Variants in BRD10 observed in about 807,000 individuals in gnomAD.
BRD10 encodes uncharacterized bromodomain-containing protein 10.
chr9:5,955,978 C>T, the BRD10 span, among the ~76,000 whole-genome samples: 1 of 152,092 alleles, frequency 6.6e-6, no homozygotes, highest in East Asian at 1.9e-4. Context: ...TTCCTCTATA[C>T]ACTGCCTTTA....
the BRD10 span, among the ~76,000 whole-genome samples, chr9:5,894,060 A>T: frequency 1.3e-5 from 2 of 152,132 alleles, no homozygotes; most frequent in Non-Finnish European, 2.9e-5. This position sits in a 1 kb window ranked among gnomAD's most constrained non-coding sequence, Gnocchi z 4.0. Context: ...CATGCTCTTA[A>T]GTGTTATGCT....
chr9:6,000,506 C>T, the BRD10 span, among the ~76,000 whole-genome samples: 1 of 152,142 alleles, frequency 6.6e-6, no homozygotes, highest in African/African-American at 2.4e-5. Context: ...CTTCCCTGCT[C>T]TAGTGTTCTT....
the BRD10 span, among the ~76,000 whole-genome samples, chr9:5,951,035 TACACACACACACACACAC>T: frequency 1.4e-5 from 2 of 141,664 alleles, no homozygotes; most frequent in South Asian, 2.3e-4. Context: ...GGGCTGACTG[TACACACACACACACACAC>T]ACACACACAC....
At chr9:5,879,754 C>T in the BRD10 span, among the ~76,000 whole-genome samples, 1 of 152,206 alleles carries the variant, frequency 6.6e-6, no homozygotes, top group South Asian at 2.1e-4. Flanking sequence ...CTCACATGGT[C>T]AGCCTCTCTA....
the BRD10 span, among the ~76,000 whole-genome samples, chr9:5,939,670 C>T: frequency 2.0e-5 from 3 of 152,200 alleles, no homozygotes; most frequent in South Asian, 2.1e-4. Flanking sequence ...AAGTTGGCAG[C>T]AGTGGACAGA....
At chr9:5,911,794 C>A in the BRD10 span, among the ~76,000 whole-genome samples, 7,632 of 152,158 alleles carry the variant, frequency 0.05, 221 homozygotes, top group Middle Eastern at 0.075. Flanking sequence ...CTCAGCCTCC[C>A]AAAGTGCTGG....
the BRD10 span, among the ~76,000 whole-genome samples, chr9:5,959,932 C>T: frequency 2.6e-5 from 4 of 152,174 alleles, no homozygotes; most frequent in African/African-American, 9.7e-5. Flanking sequence ...AACTTTTCCA[C>T]AAAAGTTTTC....
the BRD10 span, among the ~76,000 whole-genome samples, chr9:5,987,293 G>A: frequency 6.6e-6 from 1 of 152,016 alleles, no homozygotes; most frequent in Non-Finnish European, 1.5e-5. Context: ...ATTGTTCTCA[G>A]GACAATCTGA....
chr9:5,920,523 T>C, the BRD10 span: 1 of 1,614,006 alleles, frequency 6.2e-7, no homozygotes, highest in Non-Finnish European at 8.5e-7. Flanking sequence ...GAAGCAAAAT[T>C]GGACGTATTA....
the BRD10 span, chr9:5,933,716 C>G: frequency 9.7e-5 from 45 of 464,060 alleles, no homozygotes; most frequent in Admixed American, 9.6e-4. Context: ...AGCTGCATCT[C>G]TATGTATGTG....
the BRD10 span, among the ~76,000 whole-genome samples, chr9:5,934,410 G>A: frequency 2.0e-5 from 3 of 148,750 alleles, no homozygotes. Flanking sequence ...CCAGGCTGGA[G>A]TGCAGAGGTA....
chr9:5,904,907 G>A, the BRD10 span, among the ~76,000 whole-genome samples: 8 of 151,808 alleles, frequency 5.3e-5, no homozygotes, highest in African/African-American at 1.9e-4. Flanking sequence ...CCAAGTAGCT[G>A]GGACTACAGG....
chr9:5,988,586 G>T, the BRD10 span: 1 of 1,495,594 alleles, frequency 6.7e-7, no homozygotes, highest in Non-Finnish European at 9.3e-7. Flanking sequence ...CAAATCTTCT[G>T]GATAAGCAAT....
chr9:5,887,182 C>T, the BRD10 span, among the ~76,000 whole-genome samples: 1 of 152,098 alleles, frequency 6.6e-6, no homozygotes, highest in African/African-American at 2.4e-5. Context: ...TCGCTTGAAC[C>T]CAGGAGGTGG....
At chr9:5,925,999 C>T in the BRD10 span, among the ~76,000 whole-genome samples, 4 of 152,154 alleles carry the variant, frequency 2.6e-5, no homozygotes, top group African/African-American at 7.2e-5. Context: ...CTCACTGCAA[C>T]CTCTGCCTCC....
At chr9:5,939,083 C>T in the BRD10 span, among the ~76,000 whole-genome samples, 39 of 152,068 alleles carry the variant, frequency 2.6e-4, no homozygotes, top group African/African-American at 7.2e-4. Context: ...ATTCCATTAT[C>T]CTTCAATAGA....
the BRD10 span, chr9:5,921,595 C>T: frequency 4.1e-4 from 665 of 1,613,914 alleles, 7 homozygotes; most frequent in East Asian, 0.01. Context: ...GAACTGGAGT[C>T]CCACTGATTA....
At chr9:5,886,657 G>A in the BRD10 span, among the ~76,000 whole-genome samples, 1 of 152,212 alleles carries the variant, frequency 6.6e-6, no homozygotes, top group Admixed American at 6.5e-5. Context: ...ACTTGGAAGT[G>A]TTGAAAATGA....
At chr9:5,950,960 A>T in the BRD10 span, among the ~76,000 whole-genome samples, 1 of 151,894 alleles carries the variant, frequency 6.6e-6, no homozygotes. Flanking sequence ...TTTAGTACGG[A>T]CACATTTAAG....
Sources: gnomAD v4.1 joint callset for allele counts (sites outside exome capture counted in the v4.1 genomes callset) on GRCh38, gnomAD v4.1.1 for gene constraint, Gnocchi (gnomAD v3.1) non-coding constraint, MANE v1.5 for transcripts, NCBI Gene and HGNC (gene_info 2026-07-23, HGNC 2026-07-21) for gene names.